The following PTGS1 variants were observed in gnomAD, a reference collection of about 807,000 sequenced individuals.
The protein encoded by PTGS1 is prostaglandin-endoperoxide synthase 1, also known as prostaglandin G/H synthase 1.
In PTGS1, 40 loss-of-function variants were observed where a neutral mutation model predicts 63.0. The ratio of observed to expected loss-of-function variants is 0.63; its 90% confidence interval spans 0.49 to 0.83. PTGS1 has a LOEUF of 0.83. PTGS1 is among the 40% of genes least tolerant of loss of function. PTGS1 has a pLI of 0.00. For synonymous variants in PTGS1, 298 were observed against 301.9 expected, an observed-to-expected ratio of 0.99 and a Z score of 0.13; for missense variants, 709 against 786.5, an observed-to-expected ratio of 0.90 and a Z score of 1.18.
chr9:122,391,372 CATATATATATAT>C (rs5900523), intron 10 of PTGS1, among the ~76,000 whole-genome samples: 4 of 84,678 alleles, frequency 4.7e-5, no homozygotes, highest in African/African-American at 3.9e-4. Flanking sequence ...TATATATATA[CATATATATATAT>C]ACATATATAT....
intron 2 of PTGS1, among the ~76,000 whole-genome samples, chr9:122,376,741 G>A (rs1023742301): frequency 2.6e-5 from 4 of 152,216 alleles, no homozygotes; most frequent in Non-Finnish European, 4.4e-5. Flanking sequence ...GGCGCTAGGA[G>A]TTTTTGGTCT....
At position 122,390,362 on chromosome 9, in the gene PTGS1, T is replaced by C. The variant is rs202143137; in HGVS notation, c.1444+17T>C. ...AGCTCGTAGGTGAGCAGCTGTTTCC[T>C]GGATGCAGTCCCTGCCCTTGAGGGA... On this transcript the variant is annotated intron_variant, in intron 10 of 10. Coordinates refer to ENST00000362012, the MANE Select transcript of PTGS1 (RefSeq NM_000962.4). The C allele has an allele frequency of 1.9e-6, 3 of 1,612,908 alleles. No individual in the cohort carries two copies. Among genetic ancestry groups the C allele is most frequent in the Non-Finnish European group, 2.5e-6 (3 of 1,179,472 alleles).
intron 2 of PTGS1, among the ~76,000 whole-genome samples, chr9:122,376,219 A>G (rs539221667): frequency 6.6e-6 from 1 of 152,090 alleles, no homozygotes; most frequent in East Asian, 1.9e-4. Context: ...TGCCTGATAA[A>G]GCCTTTTTGT....
Position 122,392,405 on chromosome 9 carries a change from G to A in PTGS1, c.1661G>A (p.Gly554Asp). The change falls in exon 11 of 11, where the codon GGC becomes GAC. Residue 554 changes from glycine (G) to aspartate (D), a missense_variant. Coordinates refer to ENST00000362012, the MANE Select transcript of PTGS1 (RefSeq NM_000962.4). ...WKPSTFGGEV[G>D]FNIVKTATLK... The stretch of plus-strand genomic sequence containing the variant: ...CCGAGCACATTTGGCGGCGAGGTGG[G>A]CTTTAACATTGTCAAGACGGCCACA... 6.2e-7 allele frequency: 1 copy of A among 1,614,162 alleles called. No homozygotes were observed. Among genetic ancestry groups the A allele is most frequent in the Non-Finnish European group, 8.5e-7 (1 of 1,180,020 alleles).
At chr9:122,382,479 G>C (rs1837586050) in intron 7 of PTGS1, among the ~76,000 whole-genome samples, 2 of 152,174 alleles carry the variant, frequency 1.3e-5, no homozygotes, top group Non-Finnish European at 1.5e-5. Flanking sequence ...TGAATAAGTA[G>C]AGTGACATGT....
Position 122,371,368 on chromosome 9 carries a change from C to T in PTGS1, c.94+96C>T. 4 of 1,561,766 alleles carry T rather than the reference C, an allele frequency of 2.6e-6. No homozygotes were observed. The South Asian group carries it at 3.4e-5, about 13-fold the overall frequency. On this transcript the variant is annotated intron_variant, in intron 2 of 10. Coordinates refer to ENST00000362012, the MANE Select transcript of PTGS1 (RefSeq NM_000962.4). ...TTCCCCTCCAGCGGGCCCAGCTTCCCCTTTCTGCTCGCGGTGCTGAGAAAG... is the reference window on the plus strand; with the variant it reads ...TTCCCCTCCAGCGGGCCCAGCTTCCTCTTTCTGCTCGCGGTGCTGAGAAAG...
At chr9:122,379,979 A>T (rs1313462465) in intron 5 of PTGS1, among the ~76,000 whole-genome samples, 1 of 152,214 alleles carries the variant, frequency 6.6e-6, no homozygotes, top group African/African-American at 2.4e-5. Context: ...GTGACAACTC[A>T]TTTGACACTG....
intron 5 of PTGS1, 73 bp from the exon 6 acceptor site, chr9:122,381,298 G>T: frequency 6.7e-7 from 1 of 1,501,876 alleles, no homozygotes; most frequent in South Asian, 1.3e-5. Context: ...AGTTTGCCTG[G>T]TGAGCCCAGA....
At chr9:122,378,341 C>T in intron 3 of PTGS1, 92 bp from the exon 4 acceptor site, 2 of 1,559,544 alleles carry the variant, frequency 1.3e-6, no homozygotes, top group Non-Finnish European at 1.7e-6. Flanking sequence ...CTGTTCCACC[C>T]TGGCCCTTGT....
chr9:122,377,862 C>T (rs2119134313), intron 2 of PTGS1, 37 bp from the exon 3 acceptor site: 1 of 1,588,280 alleles, frequency 6.3e-7, no homozygotes, highest in East Asian at 2.2e-5. Context: ...AGGAGGCCAC[C>T]CTAGCATGGT....
intron 3 of PTGS1, 90 bp downstream of exon 3, chr9:122,378,105 T>C (rs1837284167): frequency 8.2e-7 from 1 of 1,219,812 alleles, no homozygotes; most frequent in Admixed American, 1.7e-5. Context: ...CCTACCCTCC[T>C]CTCTGACCAT....
At position 122,394,116 on chromosome 9, in the gene PTGS1, T is replaced by G. The variant is rs200797190; in HGVS notation, c.*1572T>G. The stretch of plus-strand genomic sequence containing the variant: ...CCCCCTCTGCTCTGTCCTCCCCTAT[T>G]GCGCTCTCAAGACCAGAGACCCAAC... On this transcript the variant is annotated 3_prime_UTR_variant, in exon 11 of 11. Transcript: ENST00000362012. 3 of 152,308 alleles carry G rather than the reference T, an allele frequency of 2.0e-5. No individual in the cohort carries two copies. 9.4% of individuals were successfully genotyped at this position (152,308 alleles called of 1,614,324 possible). A position where few individuals can be genotyped will look rare whatever the true frequency, so the allele number is the denominator to read the frequency against.
In PTGS1 at chr9:122,383,585, C is replaced by T. The variant is rs201651122; in HGVS notation, c.839C>T (p.Pro280Leu). 1 of 1,614,176 alleles carries T rather than the reference C, an allele frequency of 6.2e-7. No individual in the cohort carries two copies. The highest frequency in any genetic ancestry group is 1.3e-5 in the African/African-American group (1 of 75,050). Reference sequence around the variant, plus strand: ...ATGCACTACCCCCGAGGCATCCCGCCCCAGAGCCAGATGGCTGTGGGCCAG... The same window carrying T: ...ATGCACTACCCCCGAGGCATCCCGCTCCAGAGCCAGATGGCTGTGGGCCAG... ...VLMHYPRGIP[P>L]QSQMAVGQEV... The change falls in exon 8 of 11, where the codon CCC (proline) becomes CTC (leucine). Residue 280 changes from proline (P) to leucine (L), a missense_variant. Coordinates refer to ENST00000362012, the MANE Select transcript of PTGS1 (RefSeq NM_000962.4).
intron 2 of PTGS1, 196 bp downstream of exon 2, chr9:122,371,468 A>G (rs1836806231): frequency 1.6e-6 from 2 of 1,233,090 alleles, no homozygotes; most frequent in African/African-American, 1.5e-5. Flanking sequence ...CTAATGGGCT[A>G]TCTAGTTCTT....
intron 7 of PTGS1, among the ~76,000 whole-genome samples, 183 bp downstream of exon 7, chr9:122,381,930 G>A (rs1177635614): frequency 1.3e-5 from 2 of 152,238 alleles, no homozygotes; most frequent in East Asian, 3.9e-4. Flanking sequence ...CCAGGGAGGA[G>A]CAGACGTGGC....
intron 8 of PTGS1, among the ~76,000 whole-genome samples, chr9:122,384,652 A>T (rs750139941): frequency 9.2e-5 from 14 of 152,246 alleles, no homozygotes; most frequent in Non-Finnish European, 1.9e-4. Flanking sequence ...AGATTCAGAG[A>T]GGTGAAGTGA....
chr9:122,383,486 T>A, intron 7 of PTGS1, 23 bp from the exon 8 acceptor site: 1 of 1,578,762 alleles, frequency 6.3e-7, no homozygotes, highest in East Asian at 2.3e-5. Context: ...AACCCCAGGT[T>A]GCCAGGTGGC....
chr9:122,384,367 C>A (rs1467801336), intron 8 of PTGS1, among the ~76,000 whole-genome samples: 1 of 152,164 alleles, frequency 6.6e-6, no homozygotes, highest in Admixed American at 6.5e-5. Context: ...AACTCCCTTC[C>A]CCCACCTCTG....
chr9:122,374,480 C>G (rs1836997351), intron 2 of PTGS1, among the ~76,000 whole-genome samples: 1 of 152,202 alleles, frequency 6.6e-6, no homozygotes, highest in Non-Finnish European at 1.5e-5. Flanking sequence ...CAAGCAACTA[C>G]TTGGTGCCTG....
Sources: allele counts gnomAD v4.1 joint callset (sites outside exome capture counted in the v4.1 genomes callset), GRCh38; gene constraint gnomAD v4.1.1; transcripts MANE v1.5; gene names NCBI Gene and HGNC (gene_info 2026-07-23, HGNC 2026-07-21).